Variants in KIAA0319L observed in about 807,000 individuals in gnomAD.
KIAA0319L encodes the protein dyslexia-associated protein KIAA0319-like protein.
A neutral mutation model predicts 120.1 loss-of-function variants in KIAA0319L; 55 were observed. The ratio of observed to expected loss-of-function variants is 0.46; its 90% confidence interval spans 0.37 to 0.57. The LOEUF (loss-of-function observed/expected upper bound fraction) is 0.57, where lower values mean the gene tolerates loss of function less well. KIAA0319L is among the 20% of genes least tolerant of loss of function. KIAA0319L has a pLI of 0.00. For synonymous variants in KIAA0319L, 398 were observed against 471.9 expected, an observed-to-expected ratio of 0.84 and a Z score of 2.03; for missense variants, 1,049 against 1,255.3, an observed-to-expected ratio of 0.84 and a Z score of 2.48.
In KIAA0319L at chr1:35,453,776, T is replaced by C. The variant is rs1347597406; in HGVS notation, c.1781-87A>G. 20 of 1,363,378 alleles carry C rather than the reference T, an allele frequency of 1.5e-5. No homozygotes were observed. The highest frequency in any genetic ancestry group is 1.9e-5 in the Non-Finnish European group (19 of 1,001,042). The allele number at this position is 1,363,378 out of a possible 1,614,324, so 84.5% of individuals were successfully genotyped here. A position where few individuals can be genotyped will look rare whatever the true frequency, so the allele number is the denominator to read the frequency against. On this transcript the variant is annotated intron_variant, in intron 11 of 20. Transcript: ENST00000325722. This position sits in a 1 kb window ranked among gnomAD's most constrained non-coding sequence, Gnocchi z 4.1. ...ATTGGGACACATGTTCTGGAAGCCA[T>C]GGACTCTGCCTCTCAGGCCACAGAA...
Position 35,453,731 on chromosome 1 carries a change from G to A in KIAA0319L, c.1781-42C>T. On this transcript the variant is annotated intron_variant, in intron 11 of 20. Transcript: ENST00000325722. This position sits in a 1 kb window ranked among gnomAD's most constrained non-coding sequence, Gnocchi z 4.1. ...TAGAGGTCAAAAGCAGCCAGTCCAG[G>A]TGGGAAAGGAGAGGAACCAATTGGG... 3.1e-6 allele frequency: 5 copies of A among 1,590,808 alleles called. No individual in the cohort carries two copies. Among genetic ancestry groups the A allele is most frequent in the South Asian group, 1.1e-5 (1 of 88,836 alleles).
intron 2 of KIAA0319L, among the ~76,000 whole-genome samples, chr1:35,535,246 A>G (rs1422299029): frequency 1.3e-5 from 2 of 152,172 alleles, no homozygotes; most frequent in Admixed American, 1.3e-4. Flanking sequence ...TTCACAGGCT[A>G]AAGAAAATAT....
At chr1:35,488,786 CAAAT>C (rs758366605) in intron 3 of KIAA0319L, among the ~76,000 whole-genome samples, 23 of 152,108 alleles carry the variant, frequency 1.5e-4, no homozygotes, top group Admixed American at 5.9e-4. Flanking sequence ...TGGGGCCAAT[CAAAT>C]AAAGACTGAA....
intron 3 of KIAA0319L, among the ~76,000 whole-genome samples, chr1:35,486,993 A>G (rs1278006343): frequency 1.3e-5 from 2 of 152,290 alleles, no homozygotes; most frequent in South Asian, 4.1e-4. Flanking sequence ...TATCTCCAAC[A>G]TCTGAGTCAA....
intron 2 of KIAA0319L, among the ~76,000 whole-genome samples, chr1:35,531,581 C>G (rs1646371306): frequency 6.6e-6 from 1 of 152,166 alleles, no homozygotes; most frequent in Non-Finnish European, 1.5e-5. Context: ...TCTCCCTCTG[C>G]CAGTATCAGG....
chr1:35,520,375 G>A (rs563200411), intron 2 of KIAA0319L, among the ~76,000 whole-genome samples: 3 of 152,004 alleles, frequency 2.0e-5, no homozygotes, highest in Non-Finnish European at 4.4e-5. Context: ...TAGGATTACA[G>A]GCATAAGCCA....
At chr1:35,542,502 A>G (rs1165187233) in intron 2 of KIAA0319L, among the ~76,000 whole-genome samples, 1 of 152,208 alleles carries the variant, frequency 6.6e-6, no homozygotes, top group Non-Finnish European at 1.5e-5. Context: ...TGGCTACAGG[A>G]CCTTAACCAT....
In KIAA0319L at chr1:35,456,124, C is replaced by T. The variant is rs781644684; in HGVS notation, c.1545G>A (p.Leu515=). The T allele has an allele frequency of 1.2e-6, 2 of 1,613,952 alleles. No homozygotes were observed. The highest frequency in any genetic ancestry group is 1.7e-6 in the Non-Finnish European group (2 of 1,179,978). The change falls in exon 10 of 21, where the codon CTG becomes CTA. Residue 515 remains leucine (L), a synonymous_variant. Transcript: ENST00000325722. ...CAAAGAGGGTGATGGAGTTTTGGGGCAGGGTGATCACTTGGTTGGGGCCTG... is the reference window on the plus strand; with the variant it reads ...CAAAGAGGGTGATGGAGTTTTGGGGTAGGGTGATCACTTGGTTGGGGCCTG... The part of the protein sequence containing the change: ...ANAGPNQVIT[L]PQNSITLFGN...
chr1:35,493,073 C>CATCCAGG (rs1437055021), intron 3 of KIAA0319L, among the ~76,000 whole-genome samples: 1 of 152,116 alleles, frequency 6.6e-6, no homozygotes, highest in Non-Finnish European at 1.5e-5. Context: ...AAATAAGAGG[C>CATCCAGG]ATCCAGGTTG....
chr1:35,454,623 A>G (rs1051520716), intron 10 of KIAA0319L, 138 bp from the exon 11 acceptor site: 1 of 1,434,944 alleles, frequency 7.0e-7, no homozygotes, highest in Non-Finnish European at 9.2e-7. Flanking sequence ...CCAGTTCAGC[A>G]TGTGAGTGAA....
At chr1:35,456,844 G>A (rs376887168) in intron 9 of KIAA0319L, among the ~76,000 whole-genome samples, 1 of 139,622 alleles carries the variant, frequency 7.2e-6, no homozygotes, top group African/African-American at 2.6e-5. Flanking sequence ...AGGAAGGAAG[G>A]AGAGATGGAG....
At chr1:35,498,417 A>AT (rs2148376497) in intron 3 of KIAA0319L, among the ~76,000 whole-genome samples, 2 of 152,234 alleles carry the variant, frequency 1.3e-5, no homozygotes, top group South Asian at 2.1e-4. Flanking sequence ...TCCTTGAGCA[A>AT]TTTTTTCTGG....
chr1:35,512,328 A>AT, intron 2 of KIAA0319L, among the ~76,000 whole-genome samples: 1 of 14,792 alleles, frequency 6.8e-5, no homozygotes, highest in South Asian at 4.4e-3. Context: ...CCAAACTTTG[A>AT]CCAAAAAAAA....
chr1:35,466,639 C>T lies in KIAA0319L; in HGVS notation c.1170G>A (p.Gly390=), dbSNP rs1643282600. 6.2e-7 allele frequency: 1 copy of T among 1,613,578 alleles called. No homozygotes were observed. The highest frequency in any genetic ancestry group is 1.7e-5 in the Admixed American group (1 of 59,984). Reference sequence around the variant, plus strand: ...TGACTGTCACGTTCACATAGCCTTCCCCATGGGCATTTTGACCCTCTACAA... The same window carrying T: ...TGACTGTCACGTTCACATAGCCTTCTCCATGGGCATTTTGACCCTCTACAA... The part of the protein sequence containing the change: ...KVIVEGQNAH[G]EGYVNVTVKP... The change falls in exon 7 of 21, where the codon GGG becomes GGA. Residue 390 remains glycine, a synonymous_variant. Transcript: ENST00000325722.
At chr1:35,498,616 G>A (rs1644896520) in intron 3 of KIAA0319L, among the ~76,000 whole-genome samples, 1 of 151,912 alleles carries the variant, frequency 6.6e-6, no homozygotes, top group African/African-American at 2.4e-5. Flanking sequence ...AATCAAGTAA[G>A]CCAGGCCCAG....
At chr1:35,545,937 T>C (rs887642198) in intron 2 of KIAA0319L, among the ~76,000 whole-genome samples, 10 of 151,804 alleles carry the variant, frequency 6.6e-5, no homozygotes, top group African/African-American at 2.4e-4. Context: ...CCTCAGAATA[T>C]GGCTAGAGGT....
chr1:35,482,554 C>G (rs1183940372), intron 3 of KIAA0319L, among the ~76,000 whole-genome samples: 2 of 151,772 alleles, frequency 1.3e-5, no homozygotes, highest in East Asian at 1.9e-4. Flanking sequence ...CTCAGCCTCC[C>G]GAGTAGCTGG....
Position 35,441,395 on chromosome 1 carries a change from T to C in KIAA0319L, c.2871-257A>G, listed in dbSNP as rs369928813. ...TCCCACAGGGGCAATGAAGGACAGA[T>C]TGGTTAAAAACGTAAAGAAAACAAA... On this transcript the variant is annotated intron_variant, in intron 19 of 20. Coordinates refer to ENST00000325722, the MANE Select transcript of KIAA0319L (RefSeq NM_024874.5). 3.3e-3 allele frequency among the ~76,000 whole-genome samples: 500 copies of C among 152,284 alleles called. 2 individuals carry two copies. Among genetic ancestry groups the C allele is most frequent in the Non-Finnish European group, 4.8e-3 (328 of 68,028 alleles).
chr1:35,475,044 A>G, intron 4 of KIAA0319L, 138 bp from the exon 5 acceptor site: 1 of 565,222 alleles, frequency 1.8e-6, no homozygotes, highest in Non-Finnish European at 3.1e-6. Context: ...CTACTCTCTA[A>G]TTGCTTGAAA....
Sources: gnomAD v4.1 joint callset for allele counts (sites outside exome capture counted in the v4.1 genomes callset) on GRCh38, gnomAD v4.1.1 for gene constraint, Gnocchi (gnomAD v3.1) non-coding constraint, MANE v1.5 for transcripts, NCBI Gene and HGNC (gene_info 2026-07-23, HGNC 2026-07-21) for gene names.